Variants in SOX14 observed in about 807,000 individuals in gnomAD.
SOX14 encodes the protein transcription factor SOX-14.
A neutral mutation model predicts 14.8 loss-of-function variants in SOX14; 5 were observed. The observed-to-expected ratio is 0.34, with a 90% CI of 0.18 to 0.71. The LOEUF (loss-of-function observed/expected upper bound fraction) is 0.71. Among genes scored for constraint, SOX14 ranks in the 30% least tolerant of loss-of-function variants. The pLI, the probability that SOX14 is intolerant of heterozygous loss-of-function variation, is 0.64. For synonymous variants in SOX14, 164 were observed against 146.3 expected (o/e 1.12, Z -0.87); for missense variants, 270 against 329.7 (o/e 0.82, Z 1.40).
At position 137,765,075 on chromosome 3, in the gene SOX14, C is replaced by G; in HGVS notation, c.291C>G (p.Pro97=). ...AGGACAGGTATGTCTTCCCCTTGCCCTACCTGGGCGACACGGACCCGCTCA... is the reference window on the plus strand; with the variant it reads ...AGGACAGGTATGTCTTCCCCTTGCCGTACCTGGGCGACACGGACCCGCTCA... ...LKKDRYVFPL[P]YLGDTDPLKA... Residue 97 remains proline (P), a synonymous_variant, in exon 1 of 1, where the codon CCC becomes CCG. Coordinates refer to ENST00000306087, the MANE Select transcript of SOX14 (RefSeq NM_004189.4). 1 of 1,614,226 alleles carries G rather than the reference C, an allele frequency of 6.2e-7. No individual in the cohort carries two copies. The highest frequency in any genetic ancestry group is 8.5e-7 in the Non-Finnish European group (1 of 1,180,038).
chr3:137,765,666 G>A lies in SOX14; in HGVS notation c.*159G>A. The A allele has an allele frequency of 1.0e-6, 1 of 952,550 alleles. No individual in the cohort carries two copies. 59.0% of individuals were successfully genotyped at this position (952,550 alleles called of 1,614,324 possible). The stretch of plus-strand genomic sequence containing the variant: ...TCTCTCTTCCAGGGGGAAGGGTGGG[G>A]CGTCCTCCCGGACCCAAGGCGCAGA... On this transcript the variant is annotated 3_prime_UTR_variant, in exon 1 of 1. Coordinates refer to ENST00000306087, the MANE Select transcript of SOX14 (RefSeq NM_004189.4).
In SOX14 at chr3:137,766,152, T is replaced by C. The variant is rs187983564; in HGVS notation, c.*645T>C. On this transcript the variant is annotated 3_prime_UTR_variant, in exon 1 of 1. Transcript: ENST00000306087. ...GATCTAAGTTTACTTTTAGACAGAATGTCGGGTTATGAAGTCAGGAAGTAG... is the reference window on the plus strand; with the variant it reads ...GATCTAAGTTTACTTTTAGACAGAACGTCGGGTTATGAAGTCAGGAAGTAG... 1.3e-5 allele frequency: 2 copies of C among 152,338 alleles called. No individual in the cohort carries two copies. Among genetic ancestry groups the C allele is most frequent in the East Asian group, 3.9e-4 (2 of 5,184 alleles). The allele number at this position is 152,338 out of a possible 1,614,324, so 9.4% of individuals were successfully genotyped here. A position where few individuals can be genotyped will look rare whatever the true frequency, so the allele number is the denominator to read the frequency against.
chr3:137,764,638 G>T lies in SOX14; in HGVS notation c.-147G>T. 1 of 1,042,170 alleles carries T rather than the reference G, an allele frequency of 9.6e-7. No homozygotes were observed. The highest frequency in any genetic ancestry group is 1.4e-6 in the Non-Finnish European group (1 of 720,216). 64.6% of individuals were successfully genotyped at this position (1,042,170 alleles called of 1,614,324 possible). On this transcript the variant is annotated 5_prime_UTR_variant, in exon 1 of 1. Coordinates refer to ENST00000306087, the MANE Select transcript of SOX14 (RefSeq NM_004189.4). ...ATCAGCTGAACTTTGTGGGGTCAGC[G>T]CTTCTCTCTGGCTTCCCCTCAGCGG...
Position 137,765,052 on chromosome 3 carries a change from G to A in SOX14, c.268G>A (p.Asp90Asn), listed in dbSNP as rs371490027. ...RRKPKNLLKK[D>N]RYVFPLPYLG... ...CAAGCCCAAGAACCTGCTCAAGAAGGACAGGTATGTCTTCCCCTTGCCCTA... is the reference window on the plus strand; with the variant it reads ...CAAGCCCAAGAACCTGCTCAAGAAGAACAGGTATGTCTTCCCCTTGCCCTA... The change falls in exon 1 of 1, where the codon GAC (aspartate) becomes AAC (asparagine). Residue 90 changes from aspartate to asparagine, a missense_variant. Asp to Asn is a conservative substitution (Grantham distance 23). This residue lies in a region of SOX14 where 207 missense variants were observed against 210.9 expected (regional missense o/e 0.98). Coordinates refer to ENST00000306087, the MANE Select transcript of SOX14 (RefSeq NM_004189.4). The A allele has an allele frequency of 3.1e-6, 5 of 1,614,126 alleles. No homozygotes were observed. In the African/African-American group the frequency reaches 6.7e-5, roughly 22 times the overall value.
At position 137,765,172 on chromosome 3, in the gene SOX14, C is replaced by A; in HGVS notation, c.388C>A (p.Pro130Thr). The change falls in exon 1 of 1, where the codon CCG (proline) becomes ACG (threonine). Residue 130 changes from proline to threonine, a missense_variant. Coordinates refer to ENST00000306087, the MANE Select transcript of SOX14 (RefSeq NM_004189.4). Reference sequence around the variant, plus strand: ...GCCCGAGAAAGCCCGGGCCTTCTTGCCGCCGGCCTCGGCGCCCTACTCCCT... The same window carrying A: ...GCCCGAGAAAGCCCGGGCCTTCTTGACGCCGGCCTCGGCGCCCTACTCCCT... ...SAPEKARAFL[P>T]PASAPYSLLD... 6.2e-7 allele frequency: 1 copy of A among 1,612,834 alleles called. No individual in the cohort carries two copies. Among genetic ancestry groups the A allele is most frequent in the Non-Finnish European group, 8.5e-7 (1 of 1,179,444 alleles).
chr3:137,765,129 C>T lies in SOX14; in HGVS notation c.345C>T (p.Ser115=), dbSNP rs765282750. Residue 115 remains serine (S), a synonymous_variant, in exon 1 of 1, where the codon TCC becomes TCT. Transcript: ENST00000306087. Reference sequence around the variant, plus strand: ...CGGCTGGCCTGCCCGTGGGGGCCTCCGACGGCCTCCTGAGCGCGCCCGAGA... The same window carrying T: ...CGGCTGGCCTGCCCGTGGGGGCCTCTGACGGCCTCCTGAGCGCGCCCGAGA... ...LKAAGLPVGA[S]DGLLSAPEKA... 1.2e-6 allele frequency: 2 copies of T among 1,612,842 alleles called. No homozygotes were observed. The highest frequency in any genetic ancestry group is 1.7e-6 in the Non-Finnish European group (2 of 1,179,302).
Position 137,765,464 on chromosome 3 carries a change from C to G in SOX14, c.680C>G (p.Thr227Ser). 3 of 1,612,978 alleles carry G rather than the reference C, an allele frequency of 1.9e-6. No individual in the cohort carries two copies. The highest frequency in any genetic ancestry group is 4.5e-5 in the East Asian group (2 of 44,878). ...AYILFPGMTK[T>S]GIDPYSSAHA... ...ATCCTCTTCCCAGGCATGACCAAGA[C>G]TGGCATAGACCCTTATTCGTCAGCC... Residue 227 changes from threonine to serine, a missense_variant, in exon 1 of 1, where the codon ACT (threonine) becomes AGT (serine). Coordinates refer to ENST00000306087, the MANE Select transcript of SOX14 (RefSeq NM_004189.4).
chr3:137,765,365 C>A lies in SOX14; in HGVS notation c.581C>A (p.Thr194Asn), dbSNP rs78575115. 2 of 1,610,336 alleles carry A rather than the reference C, an allele frequency of 1.2e-6. No individual in the cohort carries two copies. The highest frequency in any genetic ancestry group is 3.4e-5 in the Admixed American group (2 of 59,510). Residue 194 changes from threonine (T) to asparagine (N), a missense_variant, in exon 1 of 1, where the codon ACC becomes AAC. Physicochemically the swap from Thr to Asn is moderately conservative, Grantham distance 65. Around this residue, in one of 2 missense-constraint regions of SOX14, gnomAD observed 207 missense variants for 210.9 expected, o/e 0.98. Transcript: ENST00000306087. ...CACACGCACACGCACCCGTCCCCCACCAACCCTGGCTACGTGGTGCCCTGT... is the reference window on the plus strand; with the variant it reads ...CACACGCACACGCACCCGTCCCCCAACAACCCTGGCTACGTGGTGCCCTGT... ...SQHTHTHPSPTNPGYVVPCNC... is the reference protein window; with the variant it reads ...SQHTHTHPSPNNPGYVVPCNC...
Position 137,765,523 on chromosome 3 carries a change from G to C in SOX14, c.*16G>C. ...GGCCATGTAACCCCCAGCCCGGCCC[G>C]GACCTGAGGCGTGGTCTGAAAGCCG... On this transcript the variant is annotated 3_prime_UTR_variant, in exon 1 of 1. Transcript: ENST00000306087. 1 of 1,577,414 alleles carries C rather than the reference G, an allele frequency of 6.3e-7. No homozygotes were observed. The highest frequency in any genetic ancestry group is 8.6e-7 in the Non-Finnish European group (1 of 1,160,002).
chr3:137,765,093 C>T lies in SOX14; in HGVS notation c.309C>T (p.Asp103=). The T allele has an allele frequency of 1.9e-6, 3 of 1,614,022 alleles. No homozygotes were observed. The South Asian group carries it at 3.3e-5, about 18-fold the overall frequency. ...CCTTGCCCTACCTGGGCGACACGGA[C>T]CCGCTCAAGGCGGCTGGCCTGCCCG... ...VFPLPYLGDT[D]PLKAAGLPVG... Residue 103 remains aspartate, a synonymous_variant, in exon 1 of 1, where the codon GAC becomes GAT. Transcript: ENST00000306087.
chr3:137,766,025 C>T lies in SOX14; in HGVS notation c.*518C>T, dbSNP rs1939238509. The T allele has an allele frequency of 6.6e-6, 1 of 152,594 alleles. No homozygotes were observed. The highest frequency in any genetic ancestry group is 1.5e-5 in the Non-Finnish European group (1 of 68,358). The allele number at this position is 152,594 out of a possible 1,614,324, so 9.5% of individuals were successfully genotyped here. Reference sequence around the variant, plus strand: ...AAGTTTTAAATTACAGAAAGGGAAACATTTCTATTTAAAACCATGCTATGA... The same window carrying T: ...AAGTTTTAAATTACAGAAAGGGAAATATTTCTATTTAAAACCATGCTATGA... On this transcript the variant is annotated 3_prime_UTR_variant, in exon 1 of 1. Transcript: ENST00000306087.
Position 137,766,229 on chromosome 3 carries a change from T to G in SOX14, c.*722T>G, listed in dbSNP as rs575789252. The G allele has an allele frequency of 8.5e-5, 13 of 152,402 alleles. No homozygotes were observed. The East Asian group carries it at 1.9e-3, about 23-fold the overall frequency. The allele number at this position is 152,402 out of a possible 1,614,324, so 9.4% of individuals were successfully genotyped here. The stretch of plus-strand genomic sequence containing the variant: ...AAAACAACCTAAATGGTCATAAATG[T>G]TTTGACGATGTCTTGGAAATGTACC... On this transcript the variant is annotated 3_prime_UTR_variant, in exon 1 of 1. Transcript: ENST00000306087.
At position 137,764,512 on chromosome 3, in the gene SOX14, C is replaced by G. The variant is rs1056127758; in HGVS notation, c.-273C>G. ...GGAGACTCCGATACTTGGGTCCCAGCCCCTGGTGCCTGAAGCCCCCCGGCC... is the reference window on the plus strand; with the variant it reads ...GGAGACTCCGATACTTGGGTCCCAGGCCCTGGTGCCTGAAGCCCCCCGGCC... On this transcript the variant is annotated 5_prime_UTR_variant, in exon 1 of 1. Transcript: ENST00000306087. 9 of 468,908 alleles carry G rather than the reference C, an allele frequency of 1.9e-5. No individual in the cohort carries two copies. The highest frequency in any genetic ancestry group is 5.8e-4 in the Middle Eastern group (1 of 1,714). The allele number at this position is 468,908 out of a possible 1,614,324, so 29.0% of individuals were successfully genotyped here. A position where few individuals can be genotyped will look rare whatever the true frequency, so the allele number is the denominator to read the frequency against.
At position 137,764,812 on chromosome 3, in the gene SOX14, C is replaced by A. The variant is rs1429071981; in HGVS notation, c.28C>A (p.Arg10=). 3 of 1,614,184 alleles carry A rather than the reference C, an allele frequency of 1.9e-6. No homozygotes were observed. The East Asian group carries it at 6.7e-5, about 36-fold the overall frequency. Reference sequence around the variant, plus strand: ...GTCCAAACCTTCAGACCACATCAAGCGGCCCATGAACGCCTTCATGGTATG... The same window carrying A: ...GTCCAAACCTTCAGACCACATCAAGAGGCCCATGAACGCCTTCATGGTATG... MSKPSDHIK[R]PMNAFMVWSR... is the part of the protein sequence containing the mutation. The change falls in exon 1 of 1, where the codon CGG becomes AGG. Residue 10 remains arginine (R), a synonymous_variant. Transcript: ENST00000306087.
chr3:137,765,636 T>G lies in SOX14; in HGVS notation c.*129T>G, dbSNP rs1016172677. 4 of 1,230,048 alleles carry G rather than the reference T, an allele frequency of 3.3e-6. No individual in the cohort carries two copies. Among genetic ancestry groups the G allele is most frequent in the East Asian group, 5.3e-5 (2 of 37,720 alleles). 76.2% of individuals were successfully genotyped at this position (1,230,048 alleles called of 1,614,324 possible). On this transcript the variant is annotated 3_prime_UTR_variant, in exon 1 of 1. Coordinates refer to ENST00000306087, the MANE Select transcript of SOX14 (RefSeq NM_004189.4). ...CGCTGTCCCTTACACCACCCAGACT[T>G]TTCCTCTCTCTTCCAGGGGGAAGGG...
At position 137,764,973 on chromosome 3, in the gene SOX14, G is replaced by C. The variant is rs1462383174; in HGVS notation, c.189G>C (p.Arg63=). 1 of 1,614,160 alleles carries C rather than the reference G, an allele frequency of 6.2e-7. No individual in the cohort carries two copies. The highest frequency in any genetic ancestry group is 2.2e-5 in the East Asian group (1 of 44,890). Residue 63 remains arginine (R), a synonymous_variant, in exon 1 of 1, where the codon CGG becomes CGC. Coordinates refer to ENST00000306087, the MANE Select transcript of SOX14 (RefSeq NM_004189.4). ...EKRPYIDEAK[R]LRAQHMKEHP... is the part of the protein sequence containing the mutation. Reference sequence around the variant, plus strand: ...GGCCATACATCGATGAAGCCAAGCGGCTACGCGCCCAGCACATGAAGGAGC... The same window carrying C: ...GGCCATACATCGATGAAGCCAAGCGCCTACGCGCCCAGCACATGAAGGAGC...
chr3:137,765,385 C>A lies in SOX14; in HGVS notation c.601C>A (p.Pro201Thr). Residue 201 changes from proline (P) to threonine (T), a missense_variant, in exon 1 of 1, where the codon CCC (proline) becomes ACC (threonine). Around this residue, in one of 2 missense-constraint regions of SOX14, gnomAD observed 207 missense variants for 210.9 expected, o/e 0.98. Coordinates refer to ENST00000306087, the MANE Select transcript of SOX14 (RefSeq NM_004189.4). ...CCCCACCAACCCTGGCTACGTGGTG[C>A]CCTGTAACTGTACCGCCTGGTCTGC... Reference protein sequence around the residue: ...PSPTNPGYVVPCNCTAWSAST... With the variant: ...PSPTNPGYVVTCNCTAWSAST... 1.2e-6 allele frequency: 2 copies of A among 1,612,936 alleles called. No individual in the cohort carries two copies. Among genetic ancestry groups the A allele is most frequent in the Non-Finnish European group, 1.7e-6 (2 of 1,179,602 alleles).
At position 137,764,970 on chromosome 3, in the gene SOX14, GC is replaced by G; in HGVS notation, c.187del (p.Arg63GlyfsTer7). ...EKRPYIDEAK[R>X]LRAQHMKEHP... ...AGCGGCCATACATCGATGAAGCCAA[GC>G]GGCTACGCGCCCAGCACATGAAGGA... On this transcript the variant is annotated frameshift_variant, in exon 1 of 1. Coordinates refer to ENST00000306087, the MANE Select transcript of SOX14 (RefSeq NM_004189.4). LOFTEE classifies it high-confidence loss of function. 1 of 1,614,280 alleles carries G rather than the reference GC, an allele frequency of 6.2e-7. No individual in the cohort carries two copies. Among genetic ancestry groups the G allele is most frequent in the Non-Finnish European group, 8.5e-7 (1 of 1,180,050 alleles).
chr3:137,765,336 C>A lies in SOX14; in HGVS notation c.552C>A (p.Ser184Arg). 1.9e-6 allele frequency: 3 copies of A among 1,596,078 alleles called. No homozygotes were observed. Among genetic ancestry groups the A allele is most frequent in the Non-Finnish European group, 2.6e-6 (3 of 1,172,008 alleles). Residue 184 changes from serine to arginine, a missense_variant, in exon 1 of 1, where the codon AGC becomes AGA. Transcript: ENST00000306087. ...CCTTCGGCAGCCTCAGCTGCCCCAG[C>A]CAGCACACGCACACGCACCCGTCCC... ...NGAFGSLSCP[S>R]QHTHTHPSPT...
Sources: gnomAD v4.1 joint callset for allele counts on GRCh38, gnomAD v4.1.1 for gene constraint, gnomAD v4.1.1 regional missense constraint, MANE v1.5 for transcripts, NCBI Gene and HGNC (gene_info 2026-07-23, HGNC 2026-07-21) for gene names.